The following TEC variants were observed in gnomAD, a reference collection of about 807,000 sequenced individuals.
TEC encodes tyrosine-protein kinase Tec.
A neutral mutation model predicts 93.0 loss-of-function variants in TEC; 72 were observed. The ratio of observed to expected loss-of-function variants is 0.77; its 90% CI spans 0.64 to 0.94. The LOEUF is 0.94. Among genes scored for constraint, TEC ranks in the 40% least tolerant of loss-of-function variants. The pLI is 0.00. For missense variants in TEC, 630 were observed against 757.9 expected (o/e 0.83, Z 1.98); for synonymous variants, 249 against 247.7 (o/e 1.01, Z -0.05).
At chr4:48,217,205 A>G (rs1390398198) in intron 2 of TEC, among the ~76,000 whole-genome samples, 1 of 152,082 alleles carries the variant, frequency 6.6e-6, no homozygotes, top group Non-Finnish European at 1.5e-5. Flanking sequence ...CCAGGTTCAA[A>G]CGATTCTCTT....
chr4:48,159,455 C>T (rs371614666), intron 8 of TEC, among the ~76,000 whole-genome samples: 13 of 152,110 alleles, frequency 8.5e-5, no homozygotes, highest in Admixed American at 2.6e-4. Context: ...TGCAGTGGCA[C>T]GATCTCGGCT....
Position 48,150,873 on chromosome 4 carries a change from T to C in TEC, c.862A>G (p.Lys288Glu). Residue 288 changes from lysine to glutamate, a missense_variant, in exon 10 of 18, where the codon AAG becomes GAG. Lys to Glu is a moderately conservative substitution (Grantham distance 56, BLOSUM62 1). Coordinates refer to ENST00000381501, the MANE Select transcript of TEC (RefSeq NM_003215.3). ...GGCAGGATTACTCACCCTCCAAACT[T>C]GGTATAAAGGGAGACTGTGTACAAG... is the stretch of plus-strand genomic sequence containing the variant. ...PGLYTVSLYT[K>E]FGGEGSSGFR... 1 of 1,535,208 alleles carries C rather than the reference T, an allele frequency of 6.5e-7. No homozygotes were observed. The highest frequency in any genetic ancestry group is 8.7e-7 in the Non-Finnish European group (1 of 1,143,418).
chr4:48,242,088 T>C (rs757017129), intron 1 of TEC, among the ~76,000 whole-genome samples: 1 of 152,240 alleles, frequency 6.6e-6, no homozygotes, highest in South Asian at 2.1e-4. Flanking sequence ...AGTGTCTGGC[T>C]ACATTGGTAA....
chr4:48,148,281 GA>G (rs763353304), intron 11 of TEC, among the ~76,000 whole-genome samples: 17 of 151,780 alleles, frequency 1.1e-4, no homozygotes, highest in African/African-American at 3.6e-4. Context: ...ATTATTATCT[GA>G]AAAAAAAGTG....
At chr4:48,232,941 A>C (rs1723687545) in intron 1 of TEC, among the ~76,000 whole-genome samples, 1 of 152,214 alleles carries the variant, frequency 6.6e-6, no homozygotes, top group Non-Finnish European at 1.5e-5. Flanking sequence ...AATTGTTGGC[A>C]AATCAGTTTA....
intron 3 of TEC, among the ~76,000 whole-genome samples, chr4:48,172,435 C>CTTTTTTT (rs71654897): frequency 2.7e-5 from 4 of 146,854 alleles, no homozygotes; most frequent in Non-Finnish European, 1.5e-5. Context: ...AAGGAATGTA[C>CTTTTTTT]TTTTTTTTTT....
At chr4:48,182,867 G>A (rs1422779074) in intron 2 of TEC, among the ~76,000 whole-genome samples, 2 of 151,990 alleles carry the variant, frequency 1.3e-5, no homozygotes, top group African/African-American at 4.8e-5. Flanking sequence ...AAATAACCAG[G>A]CTGGTCTCAG....
chr4:48,269,213 T>C (rs1430153677), intron 1 of TEC, among the ~76,000 whole-genome samples: 2 of 152,130 alleles, frequency 1.3e-5, no homozygotes, highest in African/African-American at 4.8e-5. Context: ...ATACTTTAAG[T>C]TCTAGGATAC....
chr4:48,187,328 G>A (rs910649100), intron 2 of TEC, among the ~76,000 whole-genome samples: 103 of 151,604 alleles, frequency 6.8e-4, no homozygotes, highest in Admixed American at 1.8e-3. Context: ...AGGAAAACCA[G>A]AGACCCTTGT....
At chr4:48,240,783 T>C (rs887133693) in intron 1 of TEC, among the ~76,000 whole-genome samples, 1 of 151,700 alleles carries the variant, frequency 6.6e-6, no homozygotes, top group African/African-American at 2.4e-5. Flanking sequence ...AAAAGAATCA[T>C]TAGAAAGATT....
chr4:48,143,097 G>C lies in TEC; in HGVS notation c.1471-1678C>G, dbSNP rs143539311. 4.7e-3 allele frequency among the ~76,000 whole-genome samples: 712 copies of C among 152,266 alleles called. 6 individuals carry two copies. The highest frequency in any genetic ancestry group is 0.016 in the African/African-American group (665 of 41,532). Reference sequence around the variant, plus strand: ...CTCATATGAGGTTCCTTCTTGCTGAGTGCATTTTAAGAGTCTTATAAAGTG... The same window carrying C: ...CTCATATGAGGTTCCTTCTTGCTGACTGCATTTTAAGAGTCTTATAAAGTG... On this transcript the variant is annotated intron_variant, in intron 14 of 17. Coordinates refer to ENST00000381501, the MANE Select transcript of TEC (RefSeq NM_003215.3).
intron 2 of TEC, among the ~76,000 whole-genome samples, chr4:48,222,275 G>C (rs1723291201): frequency 6.6e-6 from 1 of 152,128 alleles, no homozygotes; most frequent in South Asian, 2.1e-4. Context: ...AGAGGAGGAA[G>C]AGGAGAAGAA....
At position 48,136,851 on chromosome 4, in the gene TEC, T is replaced by C. The variant is rs1719445547; in HGVS notation, c.*565A>G. The C allele has an allele frequency of 1.3e-5, 2 of 152,012 alleles. No individual in the cohort carries two copies. The highest frequency in any genetic ancestry group is 4.1e-4 in the South Asian group (2 of 4,828). 9.4% of individuals were successfully genotyped at this position (152,012 alleles called of 1,614,324 possible). A position where few individuals can be genotyped will look rare whatever the true frequency, so the allele number is the denominator to read the frequency against. ...ATATATTATATATATTTACAATATATACAGCATACAAATATTGTTCATGTA... is the reference window on the plus strand; with the variant it reads ...ATATATTATATATATTTACAATATACACAGCATACAAATATTGTTCATGTA... On this transcript the variant is annotated 3_prime_UTR_variant, in exon 18 of 18. Coordinates refer to ENST00000381501, the MANE Select transcript of TEC (RefSeq NM_003215.3).
intron 1 of TEC, among the ~76,000 whole-genome samples, chr4:48,246,524 T>C (rs1724061904): frequency 6.6e-6 from 1 of 151,310 alleles, no homozygotes. Flanking sequence ...AAATTTACTC[T>C]AATGGCATAG....
chr4:48,168,818 T>C (rs1720983748), intron 5 of TEC, among the ~76,000 whole-genome samples, 192 bp from the exon 6 acceptor site: 3 of 152,252 alleles, frequency 2.0e-5, no homozygotes, highest in Admixed American at 2.0e-4. Flanking sequence ...AGCTGGTTTG[T>C]ATTTCTGCCT....
At chr4:48,164,805 C>A (rs28702422) in intron 7 of TEC, among the ~76,000 whole-genome samples, 55,077 of 151,962 alleles carry the variant, frequency 0.36, 10,834 homozygotes, top group Non-Finnish European at 0.45. Context: ...AATTCAAGAC[C>A]CGCCTGGCCA....
chr4:48,212,187 A>G (rs1208637250), intron 2 of TEC, among the ~76,000 whole-genome samples: 1 of 151,320 alleles, frequency 6.6e-6, no homozygotes, highest in East Asian at 1.9e-4. Context: ...TCTTTTCTGC[A>G]CAATTCTAAT....
chr4:48,137,568 A>C, intron 17 of TEC, 69 bp from the exon 18 acceptor site: 1 of 1,241,702 alleles, frequency 8.1e-7, no homozygotes, highest in Non-Finnish European at 1.2e-6. Flanking sequence ...CACTGCTCCA[A>C]CTCCTAAACA....
Position 48,176,192 on chromosome 4 carries a change from A to G in TEC, c.139-6T>C. ...AACCCCTTTCTGTATTTCTTCTGTT[A>G]AAAGAAAAAAAGGAGAAACATTAGA... On this transcript the variant is annotated splice_polypyrimidine_tract_variant and splice_region_variant and intron_variant, in intron 2 of 17. Coordinates refer to ENST00000381501, the MANE Select transcript of TEC (RefSeq NM_003215.3). 1 of 1,586,388 alleles carries G rather than the reference A, an allele frequency of 6.3e-7. No homozygotes were observed.
Sources: gnomAD v4.1 joint callset for allele counts (sites outside exome capture counted in the v4.1 genomes callset) on GRCh38, gnomAD v4.1.1 for gene constraint, MANE v1.5 for transcripts, NCBI Gene and HGNC (gene_info 2026-07-23, HGNC 2026-07-21) for gene names.